The following WDR25 variants were observed in gnomAD, a reference collection of about 807,000 sequenced individuals.
WDR25 encodes the protein WD repeat domain 25.
In WDR25, 35 loss-of-function variants were observed where a neutral mutation model predicts 47.7. The ratio of observed to expected loss-of-function variants is 0.73; its 90% CI spans 0.56 to 0.97. The LOEUF (loss-of-function observed/expected upper bound fraction) is 0.97, where lower values mean the gene tolerates loss of function less well. Ranked by LOEUF, WDR25 falls within the 50% of genes least tolerant of loss-of-function variation. The pLI, the probability that WDR25 is intolerant of heterozygous loss-of-function variation, is 0.00. For synonymous variants in WDR25, 248 were observed against 278.9 expected (o/e 0.89, Z 1.10); for missense variants, 634 against 704.7 (o/e 0.90, Z 1.14).
At chr14:100,505,835 G>A (rs910646130) in intron 4 of WDR25, among the ~76,000 whole-genome samples, 7 of 152,028 alleles carry the variant, frequency 4.6e-5, no homozygotes, top group Non-Finnish European at 8.8e-5. Flanking sequence ...TAATGTGAGT[G>A]GAATTTTATA....
chr14:100,400,140 G>T (rs2140169282), intron 2 of WDR25, among the ~76,000 whole-genome samples: 1 of 152,370 alleles, frequency 6.6e-6, no homozygotes, highest in Middle Eastern at 3.4e-3. Flanking sequence ...GGCACCAGGA[G>T]TGTGAAAAGC....
intron 2 of WDR25, among the ~76,000 whole-genome samples, chr14:100,463,367 C>T (rs1899493393): frequency 6.6e-6 from 1 of 152,246 alleles, no homozygotes; most frequent in Admixed American, 6.5e-5. Context: ...CAGCATTTGA[C>T]ATGGTGACCA....
At chr14:100,382,256 C>T in intron 2 of WDR25, 1 of 688,848 alleles carries the variant, frequency 1.5e-6, no homozygotes, top group Non-Finnish European at 2.7e-6. Context: ...CCCAGTAGGA[C>T]ACACAGGTGC....
intron 2 of WDR25, among the ~76,000 whole-genome samples, chr14:100,460,449 C>G (rs759422162): frequency 6.6e-6 from 1 of 152,114 alleles, no homozygotes; most frequent in Non-Finnish European, 1.5e-5. Context: ...GCAAATCAAT[C>G]CAACTACATA....
At chr14:100,479,171 G>A (rs1900118094) in intron 3 of WDR25, among the ~76,000 whole-genome samples, 1 of 152,186 alleles carries the variant, frequency 6.6e-6, no homozygotes, top group East Asian at 1.9e-4. Flanking sequence ...ACCCCCAGCC[G>A]CTTGGCTGAA....
At chr14:100,474,960 G>A (rs8003572) in intron 3 of WDR25, among the ~76,000 whole-genome samples, 3,352 of 152,270 alleles carry the variant, frequency 0.022, 116 homozygotes, top group African/African-American at 0.076. Context: ...CAAATAACCT[G>A]ATTTTTAAAA....
At chr14:100,397,216 T>C (rs1224929002) in intron 2 of WDR25, among the ~76,000 whole-genome samples, 4 of 152,250 alleles carry the variant, frequency 2.6e-5, no homozygotes, top group African/African-American at 9.6e-5. Flanking sequence ...CCAAAACCTT[T>C]GGAAAGCTTT....
At chr14:100,421,822 C>A (rs1379597154) in intron 2 of WDR25, among the ~76,000 whole-genome samples, 1 of 152,032 alleles carries the variant, frequency 6.6e-6, no homozygotes, top group Non-Finnish European at 1.5e-5. Context: ...TGGTTTTTTG[C>A]AATTTGCAAA....
At chr14:100,464,252 C>T (rs1330713500) in intron 2 of WDR25, among the ~76,000 whole-genome samples, 1 of 152,196 alleles carries the variant, frequency 6.6e-6, no homozygotes. Flanking sequence ...ACATAGCTGG[C>T]TTTCTCACCC....
chr14:100,469,859 C>T (rs1899770133), intron 3 of WDR25, among the ~76,000 whole-genome samples: 1 of 152,238 alleles, frequency 6.6e-6, no homozygotes, highest in South Asian at 2.1e-4. Flanking sequence ...GCACGCAGGT[C>T]TGCTAGGCCC....
intron 3 of WDR25, chr14:100,480,814 G>C (rs1436943571): frequency 2.7e-5 from 6 of 220,294 alleles, no homozygotes; most frequent in Non-Finnish European, 5.5e-5. Flanking sequence ...TAGGGAAATG[G>C]GGCTTTACTA....
chr14:100,486,708 C>G (rs111866369), intron 4 of WDR25, among the ~76,000 whole-genome samples: 4 of 152,196 alleles, frequency 2.6e-5, no homozygotes, highest in Admixed American at 1.3e-4. Context: ...CTGGCTCAGC[C>G]TGGGCGTGTA....
chr14:100,455,737 A>G (rs941266529), intron 2 of WDR25, among the ~76,000 whole-genome samples: 7 of 152,222 alleles, frequency 4.6e-5, no homozygotes, highest in African/African-American at 1.2e-4. Context: ...TCTAGAGACA[A>G]TGGAATGGTA....
At chr14:100,495,423 C>T (rs574274827) in intron 4 of WDR25, among the ~76,000 whole-genome samples, 1 of 152,302 alleles carries the variant, frequency 6.6e-6, no homozygotes, top group South Asian at 2.1e-4. Context: ...CTGCTGGAAA[C>T]ATAAGGGGAT....
chr14:100,405,807 C>T lies in WDR25; in HGVS notation c.822+24061C>T, dbSNP rs376571642. Among the ~76,000 whole-genome samples the T allele has an allele frequency of 4.6e-5, 7 of 152,194 alleles. No individual in the cohort carries two copies. In the East Asian group the frequency reaches 9.7e-4, roughly 21 times the overall value. ...GCTTTAAGTTCTCTTTGGGGAAGGGCGGATATTAGTGCTTAAGAAACGCCA... is the reference window on the plus strand; with the variant it reads ...GCTTTAAGTTCTCTTTGGGGAAGGGTGGATATTAGTGCTTAAGAAACGCCA... On this transcript the variant is annotated intron_variant, in intron 2 of 6. Transcript: ENST00000402312.
chr14:100,381,249 A>G lies in WDR25; in HGVS notation c.325A>G (p.Ile109Val), dbSNP rs1896885029. Residue 109 changes from isoleucine to valine, a missense_variant, in exon 2 of 7, where the codon ATC becomes GTC. Transcript: ENST00000402312. ...GAAGGAGCCTCAAGTCACCTTCCCC[A>G]TCAAAGAGCCTTCTTGTTCTTCTCT... The part of the protein sequence containing the change: ...PGKEPQVTFP[I>V]KEPSCSSLWT... 1 of 1,613,742 alleles carries G rather than the reference A, an allele frequency of 6.2e-7. No homozygotes were observed. Among genetic ancestry groups the G allele is most frequent in the Non-Finnish European group, 8.5e-7 (1 of 1,179,954 alleles).
intron 2 of WDR25, among the ~76,000 whole-genome samples, chr14:100,419,360 T>C (rs1420802461): frequency 2.0e-5 from 3 of 152,046 alleles, no homozygotes; most frequent in African/African-American, 7.3e-5. Context: ...TCTCGGGGAG[T>C]GTTCAGATGA....
At chr14:100,434,144 T>C (rs1418748814) in intron 2 of WDR25, among the ~76,000 whole-genome samples, 1 of 152,200 alleles carries the variant, frequency 6.6e-6, no homozygotes, top group Non-Finnish European at 1.5e-5. Flanking sequence ...ATTGCTTCAT[T>C]GCTACTGGGG....
chr14:100,490,342 A>G (rs1426909908), intron 4 of WDR25, among the ~76,000 whole-genome samples: 1 of 152,250 alleles, frequency 6.6e-6, no homozygotes, highest in East Asian at 1.9e-4. Flanking sequence ...TGATAGCTCT[A>G]ATCAAGACCA....
Sources: gnomAD v4.1 joint callset for allele counts (sites outside exome capture counted in the v4.1 genomes callset) on GRCh38, gnomAD v4.1.1 for gene constraint, MANE v1.5 for transcripts, NCBI Gene and HGNC (gene_info 2026-07-23, HGNC 2026-07-21) for gene names.